Variants in MPDZ observed in about 807,000 individuals in gnomAD.
The protein encoded by MPDZ is multiple PDZ domain crumbs cell polarity complex component.
In MPDZ, 234 loss-of-function variants were observed where a neutral mutation model predicts 239.1. The observed-to-expected ratio is 0.98, with a 90% CI of 0.88 to 1.09. The LOEUF (loss-of-function observed/expected upper bound fraction) is 1.09, where lower values mean the gene tolerates loss of function less well. Among genes scored for constraint, MPDZ ranks in the 50% least tolerant of loss-of-function variants. MPDZ has a pLI of 0.00. For missense variants in MPDZ, 3,175 were observed against 2,510.0 expected (o/e 1.26, Z -5.66); for synonymous variants, 1,048 against 881.3 (o/e 1.19, Z -3.35).
In MPDZ at chr9:13,140,130, G is replaced by C; in HGVS notation, c.3860C>G (p.Ser1287Ter). ...NADKAPSQSE[S>*]EPEKAPLCSV... ...GCACAATGGAGCCTTCTCTGGCTCTGACTCTGACTGACTGGGTGCCTGTGG... is the reference window on the plus strand; with the variant it reads ...GCACAATGGAGCCTTCTCTGGCTCTCACTCTGACTGACTGGGTGCCTGTGG... Residue 1287 changes from serine (S) to a stop codon, truncating the protein, a stop_gained, in exon 28 of 47, where the codon TCA (serine) becomes TGA (stop). Transcript: ENST00000319217. LOFTEE classifies it high-confidence loss of function. 2 of 1,613,286 alleles carry C rather than the reference G, an allele frequency of 1.2e-6. No individual in the cohort carries two copies. Among genetic ancestry groups the C allele is most frequent in the Non-Finnish European group, 1.7e-6 (2 of 1,179,634 alleles).
chr9:13,266,024 C>G (rs930171168), intron 1 of MPDZ, among the ~76,000 whole-genome samples: 7 of 152,332 alleles, frequency 4.6e-5, no homozygotes, highest in African/African-American at 1.7e-4. Flanking sequence ...ATTACCATTT[C>G]AAATGGCTTC....
intron 3 of MPDZ, among the ~76,000 whole-genome samples, chr9:13,244,078 T>C (rs992462449): frequency 1.3e-5 from 2 of 152,208 alleles, no homozygotes; most frequent in African/African-American, 2.4e-5. Flanking sequence ...TAAATTTCTA[T>C]TGAAATTAAT....
At position 13,235,790 on chromosome 9, in the gene MPDZ, T is replaced by C. The variant is rs1471985022; in HGVS notation, c.184-11207A>G. ...GCATATTTGTCTTAAAATTCCCTTG[T>C]GCTAAAAAAGTTAAACTGTGAACTA... On this transcript the variant is annotated intron_variant, in intron 3 of 46. Transcript: ENST00000319217. Among the ~76,000 whole-genome samples, 10 of 152,076 alleles carry C rather than the reference T, an allele frequency of 6.6e-5. No homozygotes were observed. In the East Asian group the frequency reaches 1.9e-3, roughly 29 times the overall value.
intron 2 of MPDZ, among the ~76,000 whole-genome samples, chr9:13,249,447 T>C (rs985943557): frequency 6.6e-6 from 1 of 152,146 alleles, no homozygotes; most frequent in Non-Finnish European, 1.5e-5. Context: ...GAAATGTACA[T>C]ACGTACATTT....
chr9:13,236,875 C>T lies in MPDZ; in HGVS notation c.183+10760G>A, dbSNP rs1435800247. ...ATGTTTTACCTCTCCCCTGAGTTTC[C>T]ACCGAGATCCTAATTTCAAAAATAA... On this transcript the variant is annotated intron_variant, in intron 3 of 46. Coordinates refer to ENST00000319217, the MANE Select transcript of MPDZ (RefSeq NM_001378778.1). Among the ~76,000 whole-genome samples, 8 of 151,666 alleles carry T rather than the reference C, an allele frequency of 5.3e-5. No individual in the cohort carries two copies. In the East Asian group the frequency reaches 1.6e-3, roughly 30 times the overall value.
At chr9:13,186,247 C>T (rs941785434) in intron 18 of MPDZ, 23 bp downstream of exon 18, 11 of 1,403,688 alleles carry the variant, frequency 7.8e-6, no homozygotes, top group Non-Finnish European at 1.1e-5. Context: ...TGAAAGAAAG[C>T]TTGATAAGTC....
chr9:13,112,982 G>C (rs767219040), intron 42 of MPDZ, 29 bp downstream of exon 42: 1 of 1,561,532 alleles, frequency 6.4e-7, no homozygotes, highest in African/African-American at 1.4e-5. Context: ...AAACGCCAGG[G>C]TTTATATTGT....
intron 3 of MPDZ, among the ~76,000 whole-genome samples, chr9:13,229,977 A>G (rs1363912036): frequency 6.6e-6 from 1 of 152,130 alleles, no homozygotes; most frequent in Non-Finnish European, 1.5e-5. Context: ...ATATATAAAG[A>G]AAACTCAAAA....
At chr9:13,139,856 C>T in intron 28 of MPDZ, 131 bp downstream of exon 28, 1 of 1,056,950 alleles carries the variant, frequency 9.5e-7, no homozygotes, top group Non-Finnish European at 1.5e-6. Context: ...AACACTATTT[C>T]TTTCCACACA....
chr9:13,183,665 G>A, intron 18 of MPDZ, 80 bp from the exon 19 acceptor site: 1 of 1,328,372 alleles, frequency 7.5e-7, no homozygotes, highest in Non-Finnish European at 1.1e-6. Context: ...GAGACTAAAA[G>A]GCAAACTGGT....
At chr9:13,246,206 G>C (rs1030421528) in intron 3 of MPDZ, among the ~76,000 whole-genome samples, 2 of 152,078 alleles carry the variant, frequency 1.3e-5, no homozygotes, top group Non-Finnish European at 2.9e-5. Context: ...CCAGCACTTC[G>C]GGAGGCCAAG....
chr9:13,198,907 G>C (rs1956040123), intron 12 of MPDZ, among the ~76,000 whole-genome samples: 1 of 151,552 alleles, frequency 6.6e-6, no homozygotes, highest in South Asian at 2.1e-4. Flanking sequence ...GAATTTTAGG[G>C]TTGTTTTCTC....
intron 25 of MPDZ, among the ~76,000 whole-genome samples, chr9:13,149,898 T>C (rs1200181264): frequency 6.6e-6 from 1 of 151,962 alleles, no homozygotes; most frequent in African/African-American, 2.4e-5. Flanking sequence ...AGCGAGATCC[T>C]GGCTTCGACT....
chr9:13,166,490 T>A (rs1004292648), intron 22 of MPDZ, among the ~76,000 whole-genome samples: 3 of 152,132 alleles, frequency 2.0e-5, no homozygotes, highest in Non-Finnish European at 4.4e-5. Context: ...AATCAGAGTA[T>A]CTTTAAGGCA....
rs1288742124 is a variant in MPDZ at position 13,136,664 on chromosome 9, A to T, written c.4292+48T>A. The stretch of plus-strand genomic sequence containing the variant: ...TTTCATTCAAAAGAACTCAGAGAAG[A>T]AATGCTAACAAAAAGTATTTGGTAA... On this transcript the variant is annotated intron_variant, in intron 30 of 46. Coordinates refer to ENST00000319217, the MANE Select transcript of MPDZ (RefSeq NM_001378778.1). The T allele has an allele frequency of 4.2e-6, 5 of 1,190,044 alleles. No homozygotes were observed. In the African/African-American group the frequency reaches 7.6e-5, roughly 18 times the overall value. The allele number at this position is 1,190,044 out of a possible 1,614,324, so 73.7% of individuals were successfully genotyped here. A position where few individuals can be genotyped will look rare whatever the true frequency, so the allele number is the denominator to read the frequency against.
At chr9:13,224,814 T>A (rs186095608) in intron 3 of MPDZ, among the ~76,000 whole-genome samples, 2 of 152,186 alleles carry the variant, frequency 1.3e-5, no homozygotes, top group African/African-American at 4.8e-5. Context: ...ATGGGAAAAT[T>A]CAAAAACTAC....
rs1955026517 is a variant in MPDZ at position 13,192,218 on chromosome 9, T to C, written c.1881A>G (p.Thr627=). 6.2e-7 allele frequency: 1 copy of C among 1,610,128 alleles called. No individual in the cohort carries two copies. The highest frequency in any genetic ancestry group is 8.5e-7 in the Non-Finnish European group (1 of 1,178,006). The change falls in exon 15 of 47, where the codon ACA becomes ACG. Residue 627 remains threonine (T), a synonymous_variant. Transcript: ENST00000319217. ...NILKELPIEV[T]MVCCRRTVPP... ...GCACAGTTCGACGACAGCACACCAT[T>C]GTCACTTCTATAGGCAGTTCTTTTA...
At chr9:13,108,367 A>G (rs1299733363) in intron 46 of MPDZ, among the ~76,000 whole-genome samples, 1 of 152,140 alleles carries the variant, frequency 6.6e-6, no homozygotes, top group Non-Finnish European at 1.5e-5. Context: ...AATTATAACT[A>G]TACAGTCTTT....
intron 30 of MPDZ, 29 bp downstream of exon 30, chr9:13,136,683 T>C (rs994646109): frequency 7.4e-7 from 1 of 1,353,130 alleles, no homozygotes; most frequent in Admixed American, 1.9e-5. Flanking sequence ...CAAAAAGTAT[T>C]TGGTAAACTA....
Sources: allele counts gnomAD v4.1 joint callset (sites outside exome capture counted in the v4.1 genomes callset), GRCh38; gene constraint gnomAD v4.1.1; transcripts MANE v1.5; gene names NCBI Gene and HGNC (gene_info 2026-07-23, HGNC 2026-07-21).